MYO3B: variants seen among roughly 807,000 people sequenced by gnomAD.
MYO3B encodes the protein myosin IIIB.
A neutral mutation model predicts 174.6 loss-of-function variants in MYO3B; 156 were observed. The observed-to-expected ratio is 0.89, with a 90% confidence interval of 0.78 to 1.02. The LOEUF (loss-of-function observed/expected upper bound fraction) is 1.02, where lower values mean the gene tolerates loss of function less well. Among genes scored for constraint, MYO3B ranks in the 50% least tolerant of loss-of-function variants. The pLI, the probability that MYO3B is intolerant of heterozygous loss-of-function variation, is 0.00. For synonymous variants in MYO3B, 563 were observed against 569.1 expected, an observed-to-expected ratio of 0.99 and a Z score of 0.15; for missense variants, 1,632 against 1,639.4, an observed-to-expected ratio of 1.00 and a Z score of 0.08.
chr2:170,601,919 G>T, intron 32 of MYO3B: 1 of 844,202 alleles, frequency 1.2e-6, no homozygotes, highest in Non-Finnish European at 2.0e-6. Flanking sequence ...GAGCAGAACA[G>T]CAAAAAGGCC....
intron 32 of MYO3B, among the ~76,000 whole-genome samples, chr2:170,569,686 A>T (rs896917688): frequency 6.6e-6 from 1 of 151,488 alleles, no homozygotes; most frequent in South Asian, 2.1e-4. Flanking sequence ...ACATGGTGAA[A>T]CCCCATTTCT....
chr2:170,536,094 G>A lies in MYO3B; in HGVS notation c.3576-6812G>A, dbSNP rs115351861. ...AGTGACAGCTGCCTGCAGTAAAGTA[G>A]TGAAGGAGGGAAAAGAAAACAAATG... On this transcript the variant is annotated intron_variant, in intron 30 of 34. Transcript: ENST00000408978. 6.3e-3 allele frequency among the ~76,000 whole-genome samples: 963 copies of A among 152,330 alleles called. 14 individuals are homozygous for A. Among genetic ancestry groups the A allele is most frequent in the African/African-American group, 0.022 (917 of 41,576 alleles).
intron 23 of MYO3B, 96 bp from the exon 24 acceptor site, chr2:170,463,272 G>A: frequency 1.1e-6 from 1 of 948,236 alleles, no homozygotes; most frequent in South Asian, 1.5e-5. Flanking sequence ...TGGCCCCTCA[G>A]GTATTTGGCC....
intron 22 of MYO3B, among the ~76,000 whole-genome samples, chr2:170,426,442 T>C (rs1193386389): frequency 6.6e-6 from 1 of 151,072 alleles, no homozygotes; most frequent in African/African-American, 2.4e-5. Flanking sequence ...TTCACGCCAT[T>C]CTACTACCTC....
At chr2:170,493,240 AT>A (rs922378411) in intron 25 of MYO3B, among the ~76,000 whole-genome samples, 12 of 151,988 alleles carry the variant, frequency 7.9e-5, no homozygotes, top group East Asian at 1.9e-4. Context: ...CAAATCTCCA[AT>A]TTTTTTTCAG....
intron 16 of MYO3B, among the ~76,000 whole-genome samples, chr2:170,399,649 C>T (rs1055334871): frequency 6.6e-6 from 1 of 152,002 alleles, no homozygotes; most frequent in African/African-American, 2.4e-5. Context: ...AATGTCTTCC[C>T]AACTACTTCA....
intron 7 of MYO3B, among the ~76,000 whole-genome samples, chr2:170,283,746 G>A (rs2093532023): frequency 1.3e-5 from 2 of 152,220 alleles, no homozygotes; most frequent in Non-Finnish European, 2.9e-5. Flanking sequence ...AAGGCTAGAG[G>A]TGAGCAGTAG....
chr2:170,449,482 A>C (rs1397014846), intron 23 of MYO3B, among the ~76,000 whole-genome samples: 1 of 152,254 alleles, frequency 6.6e-6, no homozygotes, highest in East Asian at 1.9e-4. Flanking sequence ...ATAACTCAAA[A>C]AAAAAGTTTT....
intron 9 of MYO3B, among the ~76,000 whole-genome samples, 168 bp downstream of exon 9, chr2:170,369,545 A>G (rs894323429): frequency 1.3e-5 from 2 of 152,200 alleles, no homozygotes; most frequent in African/African-American, 4.8e-5. Flanking sequence ...AGAGCAGGAG[A>G]ACTTCAGAAA....
chr2:170,469,592 C>G (rs910730733), intron 25 of MYO3B, among the ~76,000 whole-genome samples: 1 of 152,122 alleles, frequency 6.6e-6, no homozygotes, highest in African/African-American at 2.4e-5. Flanking sequence ...TGTTCCTTCA[C>G]TCTCTCTCTT....
At chr2:170,523,908 G>A (rs1688834906) in intron 30 of MYO3B, among the ~76,000 whole-genome samples, 1 of 152,160 alleles carries the variant, frequency 6.6e-6, no homozygotes, top group Admixed American at 6.5e-5. Context: ...CAGGAGAGCT[G>A]CAAAGGAGGT....
intron 32 of MYO3B, among the ~76,000 whole-genome samples, chr2:170,592,029 T>C (rs1290733982): frequency 6.6e-6 from 1 of 152,174 alleles, no homozygotes; most frequent in Admixed American, 6.5e-5. Context: ...AATAATTCTG[T>C]TGAAGTTGAT....
chr2:170,488,745 T>C (rs1232685494), intron 25 of MYO3B, among the ~76,000 whole-genome samples: 3 of 152,084 alleles, frequency 2.0e-5, no homozygotes, highest in Non-Finnish European at 4.4e-5. Flanking sequence ...TATTTATCAG[T>C]TGGAATTTAG....
At chr2:170,205,870 T>A (rs2092708895) in intron 3 of MYO3B, among the ~76,000 whole-genome samples, 1 of 152,158 alleles carries the variant, frequency 6.6e-6, no homozygotes, top group Admixed American at 6.5e-5. Context: ...TATCTAGTGA[T>A]ATATCATGGT....
At chr2:170,342,726 C>T (rs1260731858) in intron 8 of MYO3B, among the ~76,000 whole-genome samples, 1 of 152,042 alleles carries the variant, frequency 6.6e-6, no homozygotes, top group African/African-American at 2.4e-5. Flanking sequence ...CCTCATGATT[C>T]TATAAAGTAG....
chr2:170,450,760 T>C (rs1186435150), intron 23 of MYO3B, among the ~76,000 whole-genome samples: 1 of 152,204 alleles, frequency 6.6e-6, no homozygotes, highest in Non-Finnish European at 1.5e-5. Context: ...AAGGTAAGAT[T>C]TTCATAAACT....
chr2:170,402,500 C>T (rs1348687953), intron 18 of MYO3B, among the ~76,000 whole-genome samples: 2 of 152,040 alleles, frequency 1.3e-5, no homozygotes, highest in East Asian at 1.9e-4. Context: ...GAGTACTCTT[C>T]CAGTTATCCT....
chr2:170,387,749 A>G (rs2094386602), intron 14 of MYO3B, among the ~76,000 whole-genome samples: 1 of 152,152 alleles, frequency 6.6e-6, no homozygotes, highest in African/African-American at 2.4e-5. Context: ...AATAGCACAG[A>G]CTTTGATCTG....
At chr2:170,490,965 C>T (rs1686428458) in intron 25 of MYO3B, among the ~76,000 whole-genome samples, 1 of 151,942 alleles carries the variant, frequency 6.6e-6, no homozygotes, top group Non-Finnish European at 1.5e-5. Flanking sequence ...TTTTTCTGAT[C>T]TGTATGGATA....
Sources: allele counts gnomAD v4.1 joint callset (sites outside exome capture counted in the v4.1 genomes callset), GRCh38; gene constraint gnomAD v4.1.1; transcripts MANE v1.5; gene names NCBI Gene and HGNC (gene_info 2026-07-23, HGNC 2026-07-21).